PDE4D: variants seen among roughly 807,000 people sequenced by gnomAD.
The protein encoded by PDE4D is 3',5'-cyclic-AMP phosphodiesterase 4D.
Under a neutral mutation model 87.4 loss-of-function variants are expected in PDE4D, and 24 were observed. The observed-to-expected ratio is 0.27, with a 90% CI of 0.20 to 0.39. PDE4D has a LOEUF of 0.39. Among genes scored for constraint, PDE4D ranks in the 10% least tolerant of loss-of-function variants. PDE4D has a pLI of 1.00. For synonymous variants in PDE4D, 384 were observed against 383.2 expected, an observed-to-expected ratio of 1.00 and a Z score of -0.02; for missense variants, 714 against 1,041.0, an observed-to-expected ratio of 0.69 and a Z score of 4.32.
Position 59,856,181 on chromosome 5 carries a change from T to C in PDE4D, c.455+36987A>G, listed in dbSNP as rs142768326. Among the ~76,000 whole-genome samples, 61 of 152,298 alleles carry C rather than the reference T, an allele frequency of 4.0e-4. No individual in the cohort carries two copies. The East Asian group carries it at 0.011, about 28-fold the overall frequency. On this transcript the variant is annotated intron_variant, in intron 1 of 14. Coordinates refer to ENST00000340635, the MANE Select transcript of PDE4D (RefSeq NM_001104631.2). ...TCACCCCTTGCTCTTGTTAATGACTTTGCTATTGCCTTTATTTATAGAAGT... is the reference window on the plus strand; with the variant it reads ...TCACCCCTTGCTCTTGTTAATGACTCTGCTATTGCCTTTATTTATAGAAGT...
intron 1 of PDE4D, chr5:59,276,077 C>A (rs938001413): frequency 2.0e-5 from 19 of 968,662 alleles, no homozygotes; most frequent in Non-Finnish European, 2.3e-5. Context: ...GGCTGTATGA[C>A]GTCTGTAAGA....
chr5:59,976,049 G>T (rs893783577), intron 3 of PDE4D, among the ~76,000 whole-genome samples: 1 of 152,140 alleles, frequency 6.6e-6, no homozygotes, highest in Admixed American at 6.6e-5. Flanking sequence ...GCTGTGTTTT[G>T]TCTTGTTGAG....
chr5:59,061,872 A>T (rs748505289), intron 5 of PDE4D, among the ~76,000 whole-genome samples: 3 of 152,158 alleles, frequency 2.0e-5, no homozygotes, highest in Non-Finnish European at 4.4e-5. Context: ...GATAGCAAGT[A>T]TAAAACGGCT....
At chr5:59,428,570 C>T (rs1364008289) in intron 1 of PDE4D, among the ~76,000 whole-genome samples, 6 of 152,042 alleles carry the variant, frequency 3.9e-5, no homozygotes, top group African/African-American at 1.4e-4. Flanking sequence ...CCATTCAAAA[C>T]TTAGGTAGAT....
At chr5:59,479,394 A>T (rs1803866356) in intron 1 of PDE4D, among the ~76,000 whole-genome samples, 1 of 152,050 alleles carries the variant, frequency 6.6e-6, no homozygotes, top group Admixed American at 6.6e-5. Flanking sequence ...TAAATAAATA[A>T]CTAGATTTCA....
chr5:59,521,743 T>C (rs1582966241), intron 1 of PDE4D, among the ~76,000 whole-genome samples: 1 of 152,200 alleles, frequency 6.6e-6, no homozygotes, highest in Non-Finnish European at 1.5e-5. Context: ...AACCCATCTC[T>C]ACAGTTAAGT....
At position 60,051,752 on chromosome 5, in the gene PDE4D, GT is replaced by G. The variant is rs200522528; in HGVS notation, c.43-63036del. ...CAAAAAATCAATGAATCCAGGAGCT[GT>G]TTTTTTTTAAAAAAGATTAACAAAA... On this transcript the variant is annotated intron_variant, in intron 2 of 16. Coordinates refer to the PDE4D transcript ENST00000502484. Among the ~76,000 whole-genome samples, 867 of 151,070 alleles carry G rather than the reference GT, an allele frequency of 5.7e-3. 7 individuals are homozygous for G. Among genetic ancestry groups the G allele is most frequent in the African/African-American group, 0.018 (744 of 41,194 alleles).
chr5:60,066,015 C>G (rs1424413790), intron 2 of PDE4D, among the ~76,000 whole-genome samples: 1 of 152,200 alleles, frequency 6.6e-6, no homozygotes, highest in Admixed American at 6.5e-5. Context: ...ACCACACTGA[C>G]TTCCACAATG....
intron 1 of PDE4D, among the ~76,000 whole-genome samples, chr5:60,342,068 C>G (rs980956191): frequency 5.3e-5 from 8 of 152,170 alleles, no homozygotes; most frequent in African/African-American, 1.9e-4. Context: ...TTTTCAATCT[C>G]TGCTTGAGAG....
intron 5 of PDE4D, among the ~76,000 whole-genome samples, chr5:59,154,968 C>T (rs973985719): frequency 6.6e-6 from 1 of 152,132 alleles, no homozygotes; most frequent in Non-Finnish European, 1.5e-5. Context: ...AAAAGTGTTT[C>T]ACTAACTGAG....
rs1239040284 is a variant in PDE4D, at chr5:58,971,370, AAG to A, written c.*3292_*3293del. 6.6e-6 allele frequency: 1 copy of A among 152,638 alleles called. No homozygotes were observed. The highest frequency in any genetic ancestry group is 1.5e-5 in the Non-Finnish European group (1 of 68,016). 9.5% of individuals were successfully genotyped at this position (152,638 alleles called of 1,614,324 possible). On this transcript the variant is annotated 3_prime_UTR_variant, in exon 15 of 15. Coordinates refer to ENST00000340635, the MANE Select transcript of PDE4D (RefSeq NM_001104631.2). ...TATACACACCATTCATTCTCTCACC[AAG>A]AGTTTCCAAATATATCAACACCATC... is the stretch of plus-strand genomic sequence containing the variant.
chr5:59,110,044 T>C (rs1772341486), intron 5 of PDE4D, among the ~76,000 whole-genome samples: 1 of 152,182 alleles, frequency 6.6e-6, no homozygotes, highest in South Asian at 2.1e-4. Flanking sequence ...CCCTCAAAAC[T>C]ATGACCACTG....
At chr5:60,504,349 G>A (rs1334623109) in intron 1 of PDE4D, among the ~76,000 whole-genome samples, 1 of 150,208 alleles carries the variant, frequency 6.7e-6, no homozygotes, top group Non-Finnish European at 1.5e-5. Flanking sequence ...TTTTTTTTAG[G>A]TCTTTTTAGG....
chr5:59,517,715 C>A lies in PDE4D; in HGVS notation c.456-301747G>T, dbSNP rs115249149. The stretch of plus-strand genomic sequence containing the variant: ...GTAGCAGTTACATGAGTTAAAATAC[C>A]TGAGCTATTTAGAGCAGTGCCTGGT... On this transcript the variant is annotated intron_variant, in intron 1 of 14. Coordinates refer to ENST00000340635, the MANE Select transcript of PDE4D (RefSeq NM_001104631.2). Among the ~76,000 whole-genome samples, 667 of 152,254 alleles carry A rather than the reference C, an allele frequency of 4.4e-3. 3 individuals are homozygous for A. Among genetic ancestry groups the A allele is most frequent in the African/African-American group, 0.015 (615 of 41,548 alleles).
At chr5:59,158,408 C>G (rs1172059243) in intron 5 of PDE4D, among the ~76,000 whole-genome samples, 2 of 152,160 alleles carry the variant, frequency 1.3e-5, no homozygotes, top group Non-Finnish European at 2.9e-5. Flanking sequence ...TTTTGTTGCT[C>G]TGGGCAACCA....
At chr5:59,226,959 C>T (rs946431813) in intron 1 of PDE4D, among the ~76,000 whole-genome samples, 2 of 152,130 alleles carry the variant, frequency 1.3e-5, no homozygotes, top group African/African-American at 4.8e-5. Flanking sequence ...TCTTCCCTTA[C>T]ATCCTATTAT....
chr5:59,282,817 A>C (rs1288011611), intron 1 of PDE4D, among the ~76,000 whole-genome samples: 1 of 152,130 alleles, frequency 6.6e-6, no homozygotes, highest in Non-Finnish European at 1.5e-5. Context: ...ATTTGATAAC[A>C]TTTTTCTTGT....
At chr5:59,582,999 G>C (rs1824450761) in intron 1 of PDE4D, among the ~76,000 whole-genome samples, 1 of 151,944 alleles carries the variant, frequency 6.6e-6, no homozygotes, top group South Asian at 2.1e-4. Context: ...TCCTAGCCAG[G>C]GCCTTTAGCT....
intron 1 of PDE4D, among the ~76,000 whole-genome samples, chr5:59,387,218 T>C (rs892658872): frequency 3.3e-5 from 5 of 152,222 alleles, no homozygotes; most frequent in African/African-American, 1.2e-4. Flanking sequence ...ATTTTGCCTA[T>C]GTATCTCCTT....
Sources: gnomAD v4.1 joint callset for allele counts (sites outside exome capture counted in the v4.1 genomes callset) on GRCh38, gnomAD v4.1.1 for gene constraint, MANE v1.5 for transcripts, NCBI Gene and HGNC (gene_info 2026-07-23, HGNC 2026-07-21) for gene names.